GNG4: variants seen among roughly 807,000 people sequenced by gnomAD.
GNG4 encodes the protein G protein subunit gamma 4.
A neutral mutation model predicts 5.8 loss-of-function variants in GNG4; 4 were observed. The ratio of observed to expected loss-of-function variants is 0.69; its 90% CI spans 0.34 to 1.57. The LOEUF is 1.57. Ranked by LOEUF, GNG4 falls within the 40% of genes most tolerant of loss-of-function variation. The pLI is 0.06. For missense variants in GNG4, 96 were observed against 95.1 expected (o/e 1.01, Z -0.04); for synonymous variants, 29 against 32.9 (o/e 0.88, Z 0.41).
rs1558486267 is a variant in GNG4 at position 235,587,582 on chromosome 1, G to GGT, written c.-10-3736_-10-3735dup. The stretch of plus-strand genomic sequence containing the variant: ...TGAATGTGGGAGGGTGTGGGGTGGC[G>GGT]GTGAGTGTGAGTGTGGGAGGGCATG... On this transcript the variant is annotated intron_variant, in intron 2 of 3. Transcript: ENST00000391854. 1.7e-4 allele frequency among the ~76,000 whole-genome samples: 3 copies of GGT among 17,880 alleles called. 1 individual carries two copies. Among genetic ancestry groups the GGT allele is most frequent in the African/African-American group, 2.7e-4 (1 of 3,766 alleles). The allele number at this position is 17,880 out of a possible 152,430, so 11.7% of individuals were successfully genotyped here.
At chr1:235,630,700 C>T (rs940471774) in intron 1 of GNG4, among the ~76,000 whole-genome samples, 9 of 152,138 alleles carry the variant, frequency 5.9e-5, no homozygotes, top group African/African-American at 1.9e-4. Flanking sequence ...GGCCTGTAGA[C>T]TTGAGGGACA....
chr1:235,626,686 C>A (rs1688817596), intron 1 of GNG4, among the ~76,000 whole-genome samples: 1 of 152,086 alleles, frequency 6.6e-6, no homozygotes, highest in Admixed American at 6.6e-5. Context: ...AGGCCGGGCA[C>A]GGTGGCTGAT....
rs563399668 is a variant in GNG4 at position 235,582,119 on chromosome 1, C to T, written c.99+1621G>A. ...TTCTTGGTGTGTTTGCCTCCCCGATCGCATCTTTGCTGTCTGCTCCACACT... is the reference window on the plus strand; with the variant it reads ...TTCTTGGTGTGTTTGCCTCCCCGATTGCATCTTTGCTGTCTGCTCCACACT... On this transcript the variant is annotated intron_variant, in intron 3 of 3. Transcript: ENST00000391854. Among the ~76,000 whole-genome samples, 9 of 152,208 alleles carry T rather than the reference C, an allele frequency of 5.9e-5. No individual in the cohort carries two copies. The South Asian group carries it at 6.2e-4, about 11-fold the overall frequency.
intron 1 of GNG4, among the ~76,000 whole-genome samples, chr1:235,629,237 A>G (rs924185463): frequency 5.3e-5 from 8 of 151,828 alleles, no homozygotes; most frequent in African/African-American, 1.9e-4. Flanking sequence ...CTGGTCTTAA[A>G]TAACTGGCTT....
intron 3 of GNG4, among the ~76,000 whole-genome samples, chr1:235,567,242 T>A (rs1262845923): frequency 6.6e-6 from 1 of 152,136 alleles, no homozygotes; most frequent in Non-Finnish European, 1.5e-5. Flanking sequence ...CATAAAAAAA[T>A]GTTTAATTAT....
At chr1:235,620,048 C>T (rs1205801827) in intron 1 of GNG4, among the ~76,000 whole-genome samples, 1 of 152,192 alleles carries the variant, frequency 6.6e-6, no homozygotes, top group African/African-American at 2.4e-5. Flanking sequence ...AGACAGCTAC[C>T]TCAAAGGGAA....
intron 1 of GNG4, among the ~76,000 whole-genome samples, chr1:235,646,294 G>A (rs188324444): frequency 7.9e-5 from 12 of 152,240 alleles, no homozygotes; most frequent in Admixed American, 4.6e-4. Context: ...TCTTCCACAC[G>A]TCTCTGTCAC....
intron 3 of GNG4, among the ~76,000 whole-genome samples, chr1:235,565,068 G>A (rs553836653): frequency 1.2e-4 from 19 of 152,254 alleles, no homozygotes; most frequent in African/African-American, 3.9e-4. Context: ...AAGTTATTTC[G>A]ATTCAGTCAG....
At chr1:235,565,764 G>A (rs1196983687) in intron 3 of GNG4, 1 of 152,196 alleles carries the variant, frequency 6.6e-6, no homozygotes. Context: ...GCTTAGGTTT[G>A]ACAGCTTCTC....
At chr1:235,557,969 C>G (rs970126046) in intron 3 of GNG4, among the ~76,000 whole-genome samples, 7 of 152,218 alleles carry the variant, frequency 4.6e-5, no homozygotes, top group Non-Finnish European at 8.8e-5. Context: ...AAAGGTGATA[C>G]TGTACCTGAT....
Position 235,552,108 on chromosome 1 carries a change from G to A in GNG4, c.*1C>T, listed in dbSNP as rs144737096. 1.2e-6 allele frequency: 2 copies of A among 1,613,508 alleles called. No homozygotes were observed. Among genetic ancestry groups the A allele is most frequent in the Non-Finnish European group, 1.7e-6 (2 of 1,179,666 alleles). Reference sequence around the variant, plus strand: ...AGGAGGCGTTTTCATCACACACGGAGTTAGAGAATGGTACAAAAGAACTTC... The same window carrying A: ...AGGAGGCGTTTTCATCACACACGGAATTAGAGAATGGTACAAAAGAACTTC... On this transcript the variant is annotated 3_prime_UTR_variant, in exon 4 of 4. Coordinates refer to ENST00000391854, the MANE Select transcript of GNG4 (RefSeq NM_001098722.2).
chr1:235,552,231 G>T lies in GNG4; in HGVS notation c.106C>A (p.Gln36Lys). The change falls in exon 4 of 4, where the codon CAG (glutamine) becomes AAG (lysine). Residue 36 changes from glutamine (Q) to lysine (K), a missense_variant. Physicochemically the swap from Gln to Lys is moderately conservative, Grantham distance 53. Transcript: ENST00000391854. ...EACMDRVKVS[Q>K]AAADLLAYCE... Reference sequence around the variant, plus strand: ...TAGGCCAGGAGGTCCGCAGCTGCCTGGGAGACCTGTGAGGGCACAGAGCAC... The same window carrying T: ...TAGGCCAGGAGGTCCGCAGCTGCCTTGGAGACCTGTGAGGGCACAGAGCAC... The T allele has an allele frequency of 6.2e-7, 1 of 1,613,858 alleles. No individual in the cohort carries two copies.
At chr1:235,596,167 C>G (rs1176097594) in intron 1 of GNG4, among the ~76,000 whole-genome samples, 1 of 149,508 alleles carries the variant, frequency 6.7e-6, no homozygotes, top group Non-Finnish European at 1.5e-5. Flanking sequence ...GAGCGAGACT[C>G]TGTCTCAAAA....
chr1:235,615,108 G>T (rs1457947279), intron 1 of GNG4: 2 of 152,216 alleles, frequency 1.3e-5, no homozygotes, highest in Admixed American at 1.3e-4. Flanking sequence ...AAGAGGGGAG[G>T]CTGAGCACAA....
At chr1:235,591,432 G>GA (rs1206741783) in intron 2 of GNG4, among the ~76,000 whole-genome samples, 1 of 152,232 alleles carries the variant, frequency 6.6e-6, no homozygotes, top group East Asian at 1.9e-4. Flanking sequence ...CAATGGTGCT[G>GA]AAGACAACCA....
intron 2 of GNG4, among the ~76,000 whole-genome samples, chr1:235,592,821 G>A (rs186575971): frequency 2.6e-5 from 4 of 152,266 alleles, no homozygotes; most frequent in Admixed American, 1.3e-4. Context: ...ATTTGAGCAT[G>A]AGCCGCCGGG....
In GNG4 at chr1:235,642,194, GAGGCCCGGC is replaced by G. The variant is rs1246180218; in HGVS notation, c.-123+7459_-123+7467del. On this transcript the variant is annotated intron_variant, in intron 1 of 3. Coordinates refer to ENST00000391854, the MANE Select transcript of GNG4 (RefSeq NM_001098722.2). This position sits in a 1 kb window ranked among gnomAD's most constrained non-coding sequence, Gnocchi z 4.3. ...GAACGCAGGGTGGAAGAACCCGAGC[GAGGCCCGGC>G]AGGGGCGGGGTGAGCCTTGGCCCCG... Among the ~76,000 whole-genome samples the G allele has an allele frequency of 5.9e-5, 9 of 152,250 alleles. No individual in the cohort carries two copies. The highest frequency in any genetic ancestry group is 2.2e-4 in the African/African-American group (9 of 41,460).
chr1:235,624,948 A>T (rs1349442877), intron 1 of GNG4, among the ~76,000 whole-genome samples: 1 of 152,124 alleles, frequency 6.6e-6, no homozygotes, highest in East Asian at 1.9e-4. Flanking sequence ...GAACGTGGGG[A>T]ACCGCTGACC....
At chr1:235,629,510 A>G (rs1688890822) in intron 1 of GNG4, among the ~76,000 whole-genome samples, 2 of 151,316 alleles carry the variant, frequency 1.3e-5, no homozygotes, top group South Asian at 2.1e-4. Flanking sequence ...AGCACCCAAC[A>G]CTTCTTGTGA....
Sources: gnomAD v4.1 joint callset for allele counts (sites outside exome capture counted in the v4.1 genomes callset) on GRCh38, gnomAD v4.1.1 for gene constraint, Gnocchi (gnomAD v3.1) non-coding constraint, MANE v1.5 for transcripts, NCBI Gene and HGNC (gene_info 2026-07-23, HGNC 2026-07-21) for gene names.